Variants in CHD2 observed in about 807,000 individuals in gnomAD.
CHD2 encodes the protein ATP-dependent chromatin remodeler CHD2.
CHD2 carries 28 observed loss-of-function variants against 243.9 expected under a neutral mutation model. The observed-to-expected ratio is 0.11, with a 90% confidence interval of 0.09 to 0.16. The LOEUF is 0.16. Ranked by LOEUF, CHD2 falls within the 10% of genes least tolerant of loss-of-function variation. The pLI, the probability that CHD2 is intolerant of heterozygous loss-of-function variation, is 1.00. For missense variants in CHD2, 1,386 were observed against 2,209.8 expected, an observed-to-expected ratio of 0.63 and a Z score of 7.47; for synonymous variants, 775 against 779.0, an observed-to-expected ratio of 0.99 and a Z score of 0.09.
intron 2 of CHD2, among the ~76,000 whole-genome samples, chr15:92,910,284 T>G (rs1447443335): frequency 6.6e-6 from 1 of 152,134 alleles, no homozygotes; most frequent in Non-Finnish European, 1.5e-5. Flanking sequence ...AATATGAAAG[T>G]CAGTATAGCA....
At chr15:92,976,377 G>GA (rs1027550180) in intron 20 of CHD2, among the ~76,000 whole-genome samples, 11 of 151,902 alleles carry the variant, frequency 7.2e-5, no homozygotes, top group African/African-American at 2.7e-4. Context: ...AGAATACAAA[G>GA]AAAAAAACAA....
Position 93,025,500 on chromosome 15 carries a change from A to G in CHD2, c.*795A>G, listed in dbSNP as rs1037676226. 6.6e-6 allele frequency: 1 copy of G among 152,550 alleles called. No homozygotes were observed. The highest frequency in any genetic ancestry group is 1.5e-5 in the Non-Finnish European group (1 of 68,076). The allele number at this position is 152,550 out of a possible 1,614,324, so 9.4% of individuals were successfully genotyped here. ...GACTGAGTACTGTGAGTGAGGCAAC[A>G]CTGATGCCAGCATGGGTCTTACTTG... On this transcript the variant is annotated 3_prime_UTR_variant, in exon 39 of 39. Coordinates refer to ENST00000394196, the MANE Select transcript of CHD2 (RefSeq NM_001271.4).
At chr15:92,902,109 G>T (rs2052536862) in intron 2 of CHD2, 1 of 397,530 alleles carries the variant, frequency 2.5e-6, no homozygotes. Flanking sequence ...TTTCCTGTTG[G>T]TAGATGTATT....
chr15:92,981,460 A>G lies in CHD2; in HGVS notation c.3066+3A>G. The G allele has an allele frequency of 1.2e-6, 2 of 1,607,616 alleles. No individual in the cohort carries two copies. Among genetic ancestry groups the G allele is most frequent in the Non-Finnish European group, 1.7e-6 (2 of 1,174,472 alleles). On this transcript the variant is annotated splice_donor_region_variant and intron_variant, in intron 24 of 38. Transcript: ENST00000394196. ...ATGAACTTCTATCACAGTTTAAGGT[A>G]TGAAGATCTTTGTGGGAGAGAGTTC... is the stretch of plus-strand genomic sequence containing the variant.
chr15:93,019,931 C>G, intron 37 of CHD2, 81 bp from the exon 38 acceptor site: 2 of 1,441,248 alleles, frequency 1.4e-6, no homozygotes, highest in Non-Finnish European at 1.9e-6. Flanking sequence ...ACGACTCCAT[C>G]TCCAAAAAAA....
chr15:92,954,977 A>G, intron 14 of CHD2, among the ~76,000 whole-genome samples: 1 of 152,092 alleles, frequency 6.6e-6, no homozygotes, highest in East Asian at 1.9e-4. Flanking sequence ...TTGTTGGGGG[A>G]CATATCTCTT....
intron 9 of CHD2, 111 bp downstream of exon 9, chr15:92,943,179 A>C (rs2053409292): frequency 2.4e-6 from 2 of 822,148 alleles, no homozygotes; most frequent in Non-Finnish European, 3.8e-6. Context: ...TTTTGCTTTG[A>C]TCATCTAAAC....
chr15:92,926,180 C>G (rs776705956), intron 3 of CHD2, among the ~76,000 whole-genome samples: 1 of 152,160 alleles, frequency 6.6e-6, no homozygotes, highest in Non-Finnish European at 1.5e-5. Context: ...CCTACGTAGC[C>G]CAGGCTGATC....
rs2052511814 is a variant in CHD2 at position 92,900,343 on chromosome 15, T to C, written c.-553T>C. Reference sequence around the variant, plus strand: ...GCTCTCAGAGCTGGGAAGGAGGCTCTAGATGGCGGCTGTGCCTTAGAGAGA... The same window carrying C: ...GCTCTCAGAGCTGGGAAGGAGGCTCCAGATGGCGGCTGTGCCTTAGAGAGA... On this transcript the variant is annotated 5_prime_UTR_variant, in exon 1 of 39. Coordinates refer to ENST00000394196, the MANE Select transcript of CHD2 (RefSeq NM_001271.4). 2.6e-6 allele frequency: 1 copy of C among 384,006 alleles called. No homozygotes were observed. The highest frequency in any genetic ancestry group is 4.6e-6 in the Non-Finnish European group (1 of 217,632). 23.8% of individuals were successfully genotyped at this position (384,006 alleles called of 1,614,324 possible).
At chr15:92,918,848 TATAC>T (rs1424315105) in intron 2 of CHD2, among the ~76,000 whole-genome samples, 2 of 151,388 alleles carry the variant, frequency 1.3e-5, no homozygotes, top group Admixed American at 6.6e-5. Context: ...CACACATATA[TATAC>T]ATACATATAT....
chr15:92,931,363 C>T (rs1182324318), intron 5 of CHD2, among the ~76,000 whole-genome samples: 1 of 152,072 alleles, frequency 6.6e-6, no homozygotes, highest in Non-Finnish European at 1.5e-5. Flanking sequence ...ATTTTTCCTC[C>T]ATTTGCTTTA....
At chr15:93,001,129 CAAAGTGCTGG>C (rs2141872394) in intron 32 of CHD2, among the ~76,000 whole-genome samples, 1 of 152,280 alleles carries the variant, frequency 6.6e-6, no homozygotes, top group African/African-American at 2.4e-5. Flanking sequence ...CTCGGCCTCC[CAAAGTGCTGG>C]GATTACAGGC....
intron 24 of CHD2, 34 bp from the exon 25 acceptor site, chr15:92,984,296 G>C: frequency 6.8e-7 from 1 of 1,475,214 alleles, no homozygotes; most frequent in Non-Finnish European, 9.0e-7. Context: ...TTTAGAAATA[G>C]GGAAATGTCA....
chr15:92,980,296 AG>A (rs1364573502), intron 22 of CHD2, among the ~76,000 whole-genome samples: 62 of 150,254 alleles, frequency 4.1e-4, no homozygotes, highest in African/African-American at 1.5e-3. Flanking sequence ...CCTGACCTCA[AG>A]TGATAGGCCC....
chr15:92,999,285 A>T (rs2054225308), intron 31 of CHD2, among the ~76,000 whole-genome samples: 1 of 151,938 alleles, frequency 6.6e-6, no homozygotes, highest in Non-Finnish European at 1.5e-5. Flanking sequence ...ACTGCATTGA[A>T]TACCTGTGGG....
Position 92,998,697 on chromosome 15 carries a change from G to C in CHD2, c.4008+76G>C. The C allele has an allele frequency of 7.9e-6, 12 of 1,524,466 alleles. No individual in the cohort carries two copies. Among genetic ancestry groups the C allele is most frequent in the Non-Finnish European group, 8.1e-6 (9 of 1,117,832 alleles). The allele number at this position is 1,524,466 out of a possible 1,614,324, so 94.4% of individuals were successfully genotyped here. On this transcript the variant is annotated intron_variant, in intron 31 of 38. Transcript: ENST00000394196. This position sits in a 1 kb window ranked among gnomAD's most constrained non-coding sequence, Gnocchi z 5.1. The stretch of plus-strand genomic sequence containing the variant: ...TGCAGAATTAGGTAGGAAGAGAGAG[G>C]CCCTCTCTGAGCACTGCACAGAATG...
intron 16 of CHD2, 107 bp from the exon 17 acceptor site, chr15:92,967,218 A>G: frequency 1.3e-6 from 1 of 768,780 alleles, no homozygotes; most frequent in African/African-American, 1.8e-5. Flanking sequence ...AGCTCTAGTG[A>G]TTGATAATGT....
At position 93,024,536 on chromosome 15, in the gene CHD2, A is replaced by G; in HGVS notation, c.5318A>G (p.Tyr1773Cys). Residue 1773 changes from tyrosine (Y) to cysteine (C), a missense_variant, in exon 39 of 39, where the codon TAT becomes TGT. Physicochemically the swap from Tyr to Cys is radical, Grantham distance 194. Coordinates refer to ENST00000394196, the MANE Select transcript of CHD2 (RefSeq NM_001271.4). Reference protein sequence around the residue: ...RSFHTDKLGEYKQPLPPLHPA... With the variant: ...RSFHTDKLGECKQPLPPLHPA... ...TTCCACACAGATAAACTGGGGGAAT[A>G]TAAACAGCCTCTACCCCCATTGCAC... 1 of 1,614,220 alleles carries G rather than the reference A, an allele frequency of 6.2e-7. No individual in the cohort carries two copies. The highest frequency in any genetic ancestry group is 8.5e-7 in the Non-Finnish European group (1 of 1,180,048).
chr15:92,973,474 T>C (rs1350258667), intron 19 of CHD2, among the ~76,000 whole-genome samples: 1 of 152,194 alleles, frequency 6.6e-6, no homozygotes, highest in Non-Finnish European at 1.5e-5. Flanking sequence ...ACTCACATAA[T>C]TATGTTGGGA....
Sources: gnomAD v4.1 joint callset for allele counts (sites outside exome capture counted in the v4.1 genomes callset) on GRCh38, gnomAD v4.1.1 for gene constraint, Gnocchi (gnomAD v3.1) non-coding constraint, MANE v1.5 for transcripts, NCBI Gene and HGNC (gene_info 2026-07-23, HGNC 2026-07-21) for gene names.